FRMPD1: variants seen among roughly 807,000 people sequenced by gnomAD.
FRMPD1 encodes the protein FERM and PDZ domain-containing protein 1.
Under a neutral mutation model 117.8 loss-of-function variants are expected in FRMPD1, and 76 were observed. The observed-to-expected ratio is 0.65, with a 90% CI of 0.54 to 0.78. The LOEUF (loss-of-function observed/expected upper bound fraction) is 0.78. Ranked by LOEUF, FRMPD1 falls within the 30% of genes least tolerant of loss-of-function variation. The pLI is 0.00. For synonymous variants in FRMPD1, 783 were observed against 770.4 expected (o/e 1.02, Z -0.27); for missense variants, 1,786 against 1,964.5 (o/e 0.91, Z 1.72).
intron 1 of FRMPD1, among the ~76,000 whole-genome samples, chr9:37,683,258 C>T (rs981541659): frequency 1.3e-5 from 2 of 152,228 alleles, no homozygotes; most frequent in African/African-American, 4.8e-5. Flanking sequence ...TAGACTTCTT[C>T]TACTTCAAAC....
At chr9:37,669,016 G>A (rs1821258591) in intron 1 of FRMPD1, among the ~76,000 whole-genome samples, 1 of 152,102 alleles carries the variant, frequency 6.6e-6, no homozygotes, top group African/African-American at 2.4e-5. Context: ...GTTTCAGATG[G>A]TGCAATGATG....
At chr9:37,730,916 G>A in intron 8 of FRMPD1, 68 bp from the exon 9 acceptor site, 1 of 1,544,998 alleles carries the variant, frequency 6.5e-7, no homozygotes, top group Non-Finnish European at 8.9e-7. Context: ...TTATAGAGTG[G>A]TTTTGTGGAA....
Position 37,746,361 on chromosome 9 carries a change from A to C in FRMPD1, c.4329A>C (p.Gly1443=). 1 of 1,612,662 alleles carries C rather than the reference A, an allele frequency of 6.2e-7. No individual in the cohort carries two copies. The highest frequency in any genetic ancestry group is 8.5e-7 in the Non-Finnish European group (1 of 1,179,704). The stretch of plus-strand genomic sequence containing the variant: ...TTTTAGAAACTTCCTGGGGGGTTGG[A>C]AACAAACATCCCCCAGAGAAGTGCA... The part of the protein sequence containing the change: ...QDILETSWGV[G]NKHPPEKCTW... Residue 1443 remains glycine, a synonymous_variant, in exon 16 of 16, where the codon GGA becomes GGC. Transcript: ENST00000377765.
the FRMPD1 span, among the ~76,000 whole-genome samples, chr9:37,604,398 T>C: frequency 6.6e-6 from 1 of 152,218 alleles, no homozygotes; most frequent in African/African-American, 2.4e-5. Flanking sequence ...AGCGTGATTG[T>C]TAAAAATCCT....
chr9:37,708,634 C>T lies in FRMPD1; in HGVS notation c.362+133C>T, dbSNP rs1042847677. 1.8e-4 allele frequency: 109 copies of T among 593,460 alleles called. No individual in the cohort carries two copies. The East Asian group carries it at 3.0e-3, about 17-fold the overall frequency. 36.8% of individuals were successfully genotyped at this position (593,460 alleles called of 1,614,324 possible). A position where few individuals can be genotyped will look rare whatever the true frequency, so the allele number is the denominator to read the frequency against. ...TCCTTTAAAGCAGCAAAAACAGCCT[C>T]GTTTTAGAGTTCCATCTATTAAAAC... On this transcript the variant is annotated intron_variant, in intron 4 of 15. Transcript: ENST00000377765.
chr9:37,628,961 G>T, the FRMPD1 span, among the ~76,000 whole-genome samples: 1 of 152,226 alleles, frequency 6.6e-6, no homozygotes, highest in African/African-American at 2.4e-5. Flanking sequence ...CACTGTGGGA[G>T]GCCAAGGCAG....
the FRMPD1 span, among the ~76,000 whole-genome samples, chr9:37,641,709 C>G: frequency 1.3e-5 from 2 of 152,160 alleles, no homozygotes; most frequent in Non-Finnish European, 2.9e-5. Flanking sequence ...AGGAGAGGAA[C>G]CTTCCAAGAC....
chr9:37,636,960 C>T, the FRMPD1 span: 22 of 1,597,988 alleles, frequency 1.4e-5, no homozygotes, highest in Middle Eastern at 3.3e-4. Flanking sequence ...TTGACGTTCT[C>T]GCTGGCATGG....
chr9:37,646,555 T>C (rs965994837), upstream of FRMPD1, among the ~76,000 whole-genome samples: 1 of 152,238 alleles, frequency 6.6e-6, no homozygotes, highest in African/African-American at 2.4e-5. Context: ...GGCATTAAAA[T>C]TGCCAATTTA....
intron 1 of FRMPD1, among the ~76,000 whole-genome samples, chr9:37,665,000 T>C (rs1364075915): frequency 6.6e-6 from 1 of 152,202 alleles, no homozygotes; most frequent in Non-Finnish European, 1.5e-5. Flanking sequence ...GAGATGTTTA[T>C]CTCAACATAT....
intron 5 of FRMPD1, among the ~76,000 whole-genome samples, chr9:37,714,463 T>C (rs933762527): frequency 6.6e-6 from 1 of 152,102 alleles, no homozygotes; most frequent in African/African-American, 2.4e-5. Context: ...GCTCTGGAGG[T>C]CTCTCAGGGA....
At chr9:37,699,867 G>A (rs78209948) in intron 2 of FRMPD1, among the ~76,000 whole-genome samples, 3,687 of 152,110 alleles carry the variant, frequency 0.024, 61 homozygotes, top group Middle Eastern at 0.037. Context: ...ATGCATGTAT[G>A]CACACAGGCA....
At chr9:37,613,944 G>A in the FRMPD1 span, among the ~76,000 whole-genome samples, 1 of 152,196 alleles carries the variant, frequency 6.6e-6, no homozygotes, top group Non-Finnish European at 1.5e-5. Context: ...CTGGCACATA[G>A]AGGCACTCAG....
chr9:37,663,192 G>A (rs1159083550), intron 1 of FRMPD1, among the ~76,000 whole-genome samples: 1 of 152,184 alleles, frequency 6.6e-6, no homozygotes, highest in African/African-American at 2.4e-5. Context: ...TTATACCCAA[G>A]AGTCAGTGAA....
the FRMPD1 span, among the ~76,000 whole-genome samples, chr9:37,631,692 C>A: frequency 2.0e-5 from 3 of 152,190 alleles, no homozygotes; most frequent in Non-Finnish European, 4.4e-5. Context: ...CAGCCTCGAC[C>A]TCCTGGGCTC....
chr9:37,629,779 C>A, the FRMPD1 span, among the ~76,000 whole-genome samples: 1 of 152,190 alleles, frequency 6.6e-6, no homozygotes, highest in African/African-American at 2.4e-5. Context: ...AGTTCTCTAG[C>A]CTGCCCTGCC....
chr9:37,678,527 C>T (rs1285113117), intron 1 of FRMPD1, among the ~76,000 whole-genome samples: 1 of 152,138 alleles, frequency 6.6e-6, no homozygotes, highest in Non-Finnish European at 1.5e-5. Context: ...TCCCAAAGTG[C>T]TGGGATTACA....
At chr9:37,650,590 C>T (rs747138874), upstream of FRMPD1, among the ~76,000 whole-genome samples, 2 of 152,168 alleles carry the variant, frequency 1.3e-5, no homozygotes, top group African/African-American at 4.8e-5. Flanking sequence ...AGAAGGGGGT[C>T]GTTTTGGGAA....
chr9:37,614,380 T>C, the FRMPD1 span, among the ~76,000 whole-genome samples: 1 of 152,218 alleles, frequency 6.6e-6, no homozygotes, highest in Non-Finnish European at 1.5e-5. Context: ...ACAGGCAGGA[T>C]GAAGAATATG....
Sources: allele counts gnomAD v4.1 joint callset (sites outside exome capture counted in the v4.1 genomes callset), GRCh38; gene constraint gnomAD v4.1.1; transcripts MANE v1.5; gene names NCBI Gene and HGNC (gene_info 2026-07-23, HGNC 2026-07-21).